Variants in UGT2A1 observed in about 807,000 individuals in gnomAD.
The protein encoded by UGT2A1 is UDP glucuronosyltransferase family 2 member A1 complex locus, also known as UDP-glucuronosyltransferase 2A1.
UGT2A1 carries 61 observed loss-of-function variants against 45.4 expected under a neutral mutation model. The ratio of observed to expected loss-of-function variants is 1.34; its 90% confidence interval spans 1.09 to 1.66. UGT2A1 has a LOEUF of 1.66. Ranked by LOEUF, UGT2A1 falls within the 40% of genes most tolerant of loss-of-function variation. The pLI is 0.00. For synonymous variants in UGT2A1, 229 were observed against 196.2 expected, an observed-to-expected ratio of 1.17 and a Z score of -1.40; for missense variants, 649 against 574.3, an observed-to-expected ratio of 1.13 and a Z score of -1.33.
In UGT2A1 at chr4:69,626,439, T is replaced by A. The variant is rs548875336; in HGVS notation, c.847+9252A>T. 1.6e-3 allele frequency among the ~76,000 whole-genome samples: 238 copies of A among 151,776 alleles called. 5 individuals carry two copies. The South Asian group carries it at 0.023, about 14-fold the overall frequency. On this transcript the variant is annotated intron_variant, in intron 3 of 6. Transcript: ENST00000286604. ...TTATTGGACCACCTACTATTTCTAG[T>A]TGTTTTATGACCTGTTTCAGTATTT...
chr4:69,626,863 T>G (rs1721089534), intron 3 of UGT2A1, among the ~76,000 whole-genome samples: 1 of 151,828 alleles, frequency 6.6e-6, no homozygotes, highest in South Asian at 2.1e-4. Flanking sequence ...TTTTGGAACC[T>G]TCTTCACAGT....
intron 3 of UGT2A1, among the ~76,000 whole-genome samples, chr4:69,618,785 G>A (rs887173169): frequency 6.6e-6 from 1 of 151,738 alleles, no homozygotes; most frequent in Non-Finnish European, 1.5e-5. Flanking sequence ...TTAAAAAATA[G>A]AAGTGAACTT....
Position 69,595,161 on chromosome 4 carries a change from C to G in UGT2A1, c.1084+1G>C. 6.2e-7 allele frequency: 1 copy of G among 1,613,804 alleles called. No homozygotes were observed. Among genetic ancestry groups the G allele is most frequent in the Non-Finnish European group, 8.5e-7 (1 of 1,179,862 alleles). On this transcript the variant is annotated splice_donor_variant, in intron 5 of 6. Coordinates refer to ENST00000286604, the MANE Select transcript of UGT2A1 (RefSeq NM_001252275.3). LOFTEE classifies it high-confidence loss of function. ...CAGCTTTTCTTTCCCCACAGTCTTACCAAGAAGATCATTCTGGGGTATCCA... is the reference window on the plus strand; with the variant it reads ...CAGCTTTTCTTTCCCCACAGTCTTAGCAAGAAGATCATTCTGGGGTATCCA...
intron 3 of UGT2A1, among the ~76,000 whole-genome samples, chr4:69,625,186 G>A (rs1299000939): frequency 6.6e-6 from 1 of 150,484 alleles, no homozygotes; most frequent in Non-Finnish European, 1.5e-5. Flanking sequence ...TTTGCTAGAT[G>A]AAGTATTTTT....
chr4:69,634,114 C>G (rs1009315981), intron 3 of UGT2A1, among the ~76,000 whole-genome samples: 7 of 151,758 alleles, frequency 4.6e-5, no homozygotes, highest in Admixed American at 2.6e-4. Flanking sequence ...GCTTGGTGAC[C>G]GGCGCCTGTA....
Position 69,647,629 on chromosome 4 carries a change from G to T in UGT2A1, c.16C>A (p.Leu6Met). 1 of 1,578,632 alleles carries T rather than the reference G, an allele frequency of 6.3e-7. No individual in the cohort carries two copies. Among genetic ancestry groups the T allele is most frequent in the Non-Finnish European group, 8.6e-7 (1 of 1,164,380 alleles). Reference sequence around the variant, plus strand: ...AGACTTATCTGAAGGGAGAACAGCAGAAGGTTGTTTAACATGATGTGGCTT... The same window carrying T: ...AGACTTATCTGAAGGGAGAACAGCATAAGGTTGTTTAACATGATGTGGCTT... MLNNL[L>M]LFSLQISLIG... The change falls in exon 2 of 7, where the codon CTG becomes ATG. Residue 6 changes from leucine (L) to methionine (M), a missense_variant. Leu to Met is a conservative substitution (Grantham distance 15, BLOSUM62 2). Transcript: ENST00000286604.
intron 3 of UGT2A1, among the ~76,000 whole-genome samples, chr4:69,608,936 A>G (rs969149188): frequency 1.3e-5 from 2 of 152,144 alleles, no homozygotes; most frequent in African/African-American, 4.8e-5. Context: ...TTCTATTAAG[A>G]CAGCATAAAA....
rs183253856 is a variant in UGT2A1, at chr4:69,652,347, A to G, written c.-55+841T>C. The stretch of plus-strand genomic sequence containing the variant: ...TGTCCAAGCTGGAGTGCAAGGGCAT[A>G]ATCTCGGGTCACTGCAACCTCCATT... On this transcript the variant is annotated intron_variant, in intron 1 of 6. Coordinates refer to ENST00000286604, the MANE Select transcript of UGT2A1 (RefSeq NM_001252275.3). Among the ~76,000 whole-genome samples the G allele has an allele frequency of 2.8e-5, 4 of 142,126 alleles. No homozygotes were observed. The Admixed American group carries it at 2.9e-4, about 10-fold the overall frequency. The allele number at this position is 142,126 out of a possible 152,430, so 93.2% of individuals were successfully genotyped here.
intron 3 of UGT2A1, among the ~76,000 whole-genome samples, chr4:69,608,209 G>A (rs1459639363): frequency 6.6e-6 from 1 of 152,044 alleles, no homozygotes; most frequent in African/African-American, 2.4e-5. Context: ...AGAAAATGTG[G>A]CACGTATACA....
intron 6 of UGT2A1, among the ~76,000 whole-genome samples, chr4:69,593,440 AAAAT>A (rs1197594586): frequency 3.3e-5 from 5 of 151,788 alleles, no homozygotes; most frequent in Admixed American, 1.3e-4. Context: ...CACATCATCA[AAAAT>A]AAAGACTCAA....
At chr4:69,632,445 A>C (rs953032159) in intron 3 of UGT2A1, among the ~76,000 whole-genome samples, 7 of 152,144 alleles carry the variant, frequency 4.6e-5, no homozygotes, top group Non-Finnish European at 1.5e-5. Flanking sequence ...ATTTCTTTGA[A>C]ACATCCAATG....
intron 3 of UGT2A1, among the ~76,000 whole-genome samples, chr4:69,616,332 C>T (rs964356310): frequency 6.6e-6 from 1 of 151,632 alleles, no homozygotes; most frequent in Non-Finnish European, 1.5e-5. Context: ...AATAGGATGA[C>T]TATAGTTAAT....
chr4:69,599,925 T>G (rs997437269), intron 3 of UGT2A1, among the ~76,000 whole-genome samples: 1 of 152,150 alleles, frequency 6.6e-6, no homozygotes, highest in Non-Finnish European at 1.5e-5. Context: ...GCCAGATAAG[T>G]TTCTTCCCCA....
chr4:69,606,782 A>G (rs1719652034), intron 3 of UGT2A1, among the ~76,000 whole-genome samples: 1 of 136,774 alleles, frequency 7.3e-6, no homozygotes, highest in Admixed American at 7.2e-5. Context: ...CCAATAACAG[A>G]CAAACAGAGA....
chr4:69,594,490 T>C lies in UGT2A1; in HGVS notation c.1291A>G (p.Ile431Val). Reference protein sequence around the residue: ...VDLLSALRTVINEPSYKENAM... With the variant: ...VDLLSALRTVVNEPSYKENAM... ...CTTAGTACTTACGAAGGTTCATTAA[T>C]GACTGTTCTCAAAGCGCTAAGCAAA... Residue 431 changes from isoleucine (I) to valine (V), a missense_variant, in exon 6 of 7, where the codon ATT becomes GTT. Physicochemically the swap from Ile to Val is conservative, Grantham distance 29. Coordinates refer to ENST00000286604, the MANE Select transcript of UGT2A1 (RefSeq NM_001252275.3). The C allele has an allele frequency of 3.1e-6, 5 of 1,614,164 alleles. No individual in the cohort carries two copies. Among genetic ancestry groups the C allele is most frequent in the Middle Eastern group, 1.6e-4 (1 of 6,062 alleles).
intron 3 of UGT2A1, among the ~76,000 whole-genome samples, chr4:69,627,005 G>A (rs1264551124): frequency 4.0e-5 from 6 of 151,522 alleles, no homozygotes; most frequent in South Asian, 2.1e-4. Flanking sequence ...TCCAGTGAAC[G>A]GTATTTTATT....
At chr4:69,606,555 G>A (rs1272512207) in intron 3 of UGT2A1, among the ~76,000 whole-genome samples, 1 of 136,274 alleles carries the variant, frequency 7.3e-6, no homozygotes, top group Admixed American at 7.2e-5. Flanking sequence ...TCAACATAGT[G>A]TTGGAAGTTC....
chr4:69,618,205 G>GTATGTT (rs1553905687), intron 3 of UGT2A1, among the ~76,000 whole-genome samples: 4 of 87,894 alleles, frequency 4.6e-5, no homozygotes, highest in African/African-American at 1.8e-4. Context: ...GTGTGTGTGT[G>GTATGTT]TGTGTGTGTG....
chr4:69,589,012 T>C lies in UGT2A1; in HGVS notation c.*360A>G, dbSNP rs1330031732. ...TCAAATTCCATCTACACTGTATGCA[T>C]TACCAGGATTCAGCATATTGTTAAT... On this transcript the variant is annotated 3_prime_UTR_variant, in exon 7 of 7. Transcript: ENST00000286604. The C allele has an allele frequency of 1.1e-5, 2 of 179,186 alleles. No homozygotes were observed. Among genetic ancestry groups the C allele is most frequent in the Non-Finnish European group, 2.4e-5 (2 of 83,444 alleles). The allele number at this position is 179,186 out of a possible 1,614,324, so 11.1% of individuals were successfully genotyped here.
Sources: allele counts gnomAD v4.1 joint callset (sites outside exome capture counted in the v4.1 genomes callset), GRCh38; gene constraint gnomAD v4.1.1; transcripts MANE v1.5; gene names NCBI Gene and HGNC (gene_info 2026-07-23, HGNC 2026-07-21).